The following RNF212B variants were observed in gnomAD, a reference collection of about 807,000 sequenced individuals.
RNF212B encodes ring finger protein 212B, also known as E3 ubiquitin-protein ligase RNF212B.
Under a neutral mutation model 55.5 loss-of-function variants are expected in RNF212B, and 52 were observed. That is an observed-to-expected ratio of 0.94 (90% CI 0.75 to 1.18). RNF212B has a LOEUF of 1.18. RNF212B is among the 50% of genes most tolerant of loss of function. The probability of loss-of-function intolerance (pLI) is 0.00; values close to 1 mark genes in which losing one functional copy is unlikely to be tolerated. For synonymous variants in RNF212B, 99 were observed against 121.4 expected, an observed-to-expected ratio of 0.82 and a Z score of 1.21; for missense variants, 289 against 350.4, an observed-to-expected ratio of 0.82 and a Z score of 1.40.
chr14:23,198,811 G>A (rs919402269), intron 2 of RNF212B, among the ~76,000 whole-genome samples: 2 of 152,150 alleles, frequency 1.3e-5, no homozygotes, highest in African/African-American at 4.8e-5. Flanking sequence ...AATGTATAGT[G>A]GATTTTGGGA....
intron 4 of RNF212B, 64 bp from the exon 5 acceptor site, chr14:23,258,485 T>C (rs1594941825): frequency 1.4e-6 from 1 of 723,994 alleles, no homozygotes; most frequent in Non-Finnish European, 2.2e-6. Context: ...CTTCCCTTTC[T>C]TGCCAGAAGT....
Position 23,264,170 on chromosome 14 carries a change from A to G in RNF212B, c.525-4A>G, listed in dbSNP as rs1885510736. 2 of 1,547,792 alleles carry G rather than the reference A, an allele frequency of 1.3e-6. No homozygotes were observed. On this transcript the variant is annotated splice_region_variant and splice_polypyrimidine_tract_variant and intron_variant, in intron 9 of 14. Transcript: ENST00000430154. ...TTTTTTTCTTTTTGTTTCACCTTAT[A>G]CAGTCGGTCCTCCTCAGCGGAATCT...
At chr14:23,269,755 A>AT (rs1329568297) in intron 12 of RNF212B, 108 bp from the exon 13 acceptor site, 2 of 640,020 alleles carry the variant, frequency 3.1e-6, no homozygotes, top group South Asian at 3.8e-5. Context: ...CAAGCAGGGA[A>AT]TTTTTTCCTC....
intron 1 of RNF212B, among the ~76,000 whole-genome samples, chr14:23,189,647 T>C (rs12323882): frequency 0.013 from 1,910 of 145,484 alleles, 46 homozygotes; most frequent in African/African-American, 0.046. Flanking sequence ...TACTAAAAAT[T>C]AAAAAAAAAA....
chr14:23,258,758 CTCCAT>C (rs1413609575), intron 5 of RNF212B, 94 bp downstream of exon 5: 1 of 510,394 alleles, frequency 2.0e-6, no homozygotes, highest in Non-Finnish European at 3.3e-6. Context: ...CTGGAAATTG[CTCCAT>C]ATGTATTTGT....
At chr14:23,217,405 G>A (rs1881195220) in intron 2 of RNF212B, among the ~76,000 whole-genome samples, 1 of 152,150 alleles carries the variant, frequency 6.6e-6, no homozygotes, top group Admixed American at 6.6e-5. Flanking sequence ...GAGCATCTCT[G>A]GACACCTCTG....
At position 23,222,640 on chromosome 14, in the gene RNF212B, G is replaced by A. The variant is rs189318970; in HGVS notation, c.-1-17705G>A. 3.8e-3 allele frequency among the ~76,000 whole-genome samples: 584 copies of A among 152,284 alleles called. 3 individuals are homozygous for A. Among genetic ancestry groups the A allele is most frequent in the African/African-American group, 0.013 (550 of 41,556 alleles). On this transcript the variant is annotated intron_variant, in intron 2 of 15. Transcript: ENST00000399910. ...CTTCCAAACTCATTCTATGAGGCCA[G>A]TATTTCCCCTATACCAAAACCAGAC...
intron 2 of RNF212B, among the ~76,000 whole-genome samples, chr14:23,196,735 C>G (rs1371406460): frequency 6.6e-6 from 1 of 152,200 alleles, no homozygotes; most frequent in African/African-American, 2.4e-5. Context: ...AGCCACTGTT[C>G]TAGGGCCCAA....
At chr14:23,199,976 C>T (rs1480828624) in intron 2 of RNF212B, among the ~76,000 whole-genome samples, 2 of 150,168 alleles carry the variant, frequency 1.3e-5, no homozygotes, top group East Asian at 3.9e-4. Flanking sequence ...AGCCAAGAAA[C>T]AATTAGAATT....
intron 2 of RNF212B, among the ~76,000 whole-genome samples, chr14:23,215,589 A>C (rs1207774442): frequency 2.0e-5 from 3 of 152,194 alleles, no homozygotes; most frequent in Admixed American, 6.6e-5. Context: ...TCAAGTGCTG[A>C]AAGAAAGGAA....
upstream of RNF212B, among the ~76,000 whole-genome samples, chr14:23,234,747 C>G (rs912161450): frequency 6.6e-6 from 1 of 152,224 alleles, no homozygotes; most frequent in Non-Finnish European, 1.5e-5. Context: ...CCACATGGCA[C>G]TAAAATATTT....
At chr14:23,241,042 T>C (rs1340728995) in intron 2 of RNF212B, among the ~76,000 whole-genome samples, 1 of 151,818 alleles carries the variant, frequency 6.6e-6, no homozygotes, top group Non-Finnish European at 1.5e-5. Context: ...TTCAGTGTCT[T>C]TTTTTTTAAT....
chr14:23,211,467 C>A (rs1880513787), intron 2 of RNF212B, among the ~76,000 whole-genome samples: 1 of 152,064 alleles, frequency 6.6e-6, no homozygotes, highest in South Asian at 2.1e-4. Context: ...CACAAATACT[C>A]CCCAAAAGTT....
chr14:23,244,843 T>G (rs1399848742), intron 4 of RNF212B, among the ~76,000 whole-genome samples: 1 of 152,218 alleles, frequency 6.6e-6, no homozygotes, highest in Non-Finnish European at 1.5e-5. Context: ...TTCAATAACC[T>G]TTTTAGTAAT....
At chr14:23,263,074 A>G in intron 9 of RNF212B, 104 bp downstream of exon 9, 2 of 1,026,070 alleles carry the variant, frequency 1.9e-6, no homozygotes, top group Non-Finnish European at 2.9e-6. Flanking sequence ...AGGTCTATGT[A>G]GAAGTTTAAA....
chr14:23,226,763 GTCTCC>G (rs1882063787), intron 2 of RNF212B, among the ~76,000 whole-genome samples: 2 of 123,146 alleles, frequency 1.6e-5, no homozygotes, highest in Non-Finnish European at 3.4e-5. Flanking sequence ...CTCCCCTCCC[GTCTCC>G]TCTCCTCTCT....
At chr14:23,256,586 G>A (rs1001650787) in intron 4 of RNF212B, among the ~76,000 whole-genome samples, 2 of 152,014 alleles carry the variant, frequency 1.3e-5, no homozygotes, top group African/African-American at 4.8e-5. Context: ...TGGCCAGGCT[G>A]GTCTCGAACT....
At chr14:23,208,562 A>G (rs1880087640) in intron 2 of RNF212B, among the ~76,000 whole-genome samples, 1 of 152,146 alleles carries the variant, frequency 6.6e-6, no homozygotes, top group Non-Finnish European at 1.5e-5. Flanking sequence ...AATTTGAGCA[A>G]CAAAATAAGT....
At chr14:23,272,326 A>T (rs1249003584) in intron 14 of RNF212B, 2 of 165,996 alleles carry the variant, frequency 1.2e-5, no homozygotes, top group Non-Finnish European at 2.6e-5. Context: ...AGGCTGAGGC[A>T]GGAGAATGGC....
Sources: allele counts gnomAD v4.1 joint callset (sites outside exome capture counted in the v4.1 genomes callset), GRCh38; gene constraint gnomAD v4.1.1; transcripts MANE v1.5; gene names NCBI Gene and HGNC (gene_info 2026-07-23, HGNC 2026-07-21).